The following MCHR2 variants were observed in gnomAD, a reference collection of about 807,000 sequenced individuals.
The protein encoded by MCHR2 is melanin concentrating hormone receptor 2.
A neutral mutation model predicts 24.8 loss-of-function variants in MCHR2; 15 were observed. That is an observed-to-expected ratio of 0.60 (90% CI 0.40 to 0.93). The LOEUF is 0.93. MCHR2 is among the 40% of genes least tolerant of loss of function. MCHR2 has a pLI of 0.00. For synonymous variants in MCHR2, 151 were observed against 147.6 expected (o/e 1.02, Z -0.17); for missense variants, 386 against 408.7 (o/e 0.94, Z 0.48).
intron 1 of MCHR2, among the ~76,000 whole-genome samples, chr6:99,983,683 G>A (rs577242408): frequency 2.0e-5 from 3 of 152,104 alleles, no homozygotes; most frequent in African/African-American, 7.2e-5. Flanking sequence ...TTTCTTCCTC[G>A]AAACACTCTC....
intron 3 of MCHR2, among the ~76,000 whole-genome samples, chr6:99,946,395 A>G (rs941415067): frequency 6.6e-6 from 1 of 152,328 alleles, no homozygotes; most frequent in Admixed American, 6.5e-5. Flanking sequence ...AGAGTGAATT[A>G]TTTATATGAA....
intron 1 of MCHR2, among the ~76,000 whole-genome samples, chr6:99,988,570 T>A (rs1775808130): frequency 6.6e-6 from 1 of 152,052 alleles, no homozygotes; most frequent in Non-Finnish European, 1.5e-5. Flanking sequence ...TCTAAAATAA[T>A]CTCAATTCAT....
At chr6:99,932,049 A>G (rs1466283972) in intron 5 of MCHR2, among the ~76,000 whole-genome samples, 1 of 152,130 alleles carries the variant, frequency 6.6e-6, no homozygotes, top group Non-Finnish European at 1.5e-5. Flanking sequence ...AGACAGGTCT[A>G]GTGTTGATGA....
chr6:99,959,232 C>T (rs572586474), intron 1 of MCHR2, among the ~76,000 whole-genome samples: 73 of 152,050 alleles, frequency 4.8e-4, no homozygotes, highest in African/African-American at 1.7e-3. Flanking sequence ...AAGATAGATA[C>T]CAATGGAAAA....
In MCHR2 at chr6:99,937,043, T is replaced by A. The variant is rs139127993; in HGVS notation, c.588-2526A>T. On this transcript the variant is annotated intron_variant, in intron 4 of 5. Coordinates refer to ENST00000281806, the MANE Select transcript of MCHR2 (RefSeq NM_001040179.2). ...TACTGCATATGTAAATGCTATTGATTTTTATACATTCATTTTGTATCCTGT... is the reference window on the plus strand; with the variant it reads ...TACTGCATATGTAAATGCTATTGATATTTATACATTCATTTTGTATCCTGT... Among the ~76,000 whole-genome samples the A allele has an allele frequency of 7.2e-3, 1,088 of 152,142 alleles. 13 individuals carry two copies. The highest frequency in any genetic ancestry group is 0.025 in the African/African-American group (1,049 of 41,562).
chr6:99,957,217 C>G (rs962248765), intron 1 of MCHR2, among the ~76,000 whole-genome samples: 1 of 152,126 alleles, frequency 6.6e-6, no homozygotes, highest in Non-Finnish European at 1.5e-5. Flanking sequence ...GGGAATCTTA[C>G]AGGAGATACC....
intron 5 of MCHR2, among the ~76,000 whole-genome samples, chr6:99,929,285 G>T (rs936777946): frequency 2.0e-5 from 3 of 151,924 alleles, no homozygotes; most frequent in African/African-American, 7.3e-5. Context: ...GAATAGGTGT[G>T]GTGTGGTGCT....
intron 1 of MCHR2, among the ~76,000 whole-genome samples, chr6:99,959,302 C>G (rs1775133104): frequency 6.6e-6 from 1 of 152,000 alleles, no homozygotes; most frequent in Non-Finnish European, 1.5e-5. Context: ...GGAACCTAGA[C>G]ACACATGTCC....
intron 4 of MCHR2, among the ~76,000 whole-genome samples, chr6:99,940,550 G>T (rs2114517870): frequency 6.6e-6 from 1 of 152,260 alleles, no homozygotes; most frequent in Non-Finnish European, 1.5e-5. Context: ...TGGCCAGAGA[G>T]CTCACATATT....
intron 1 of MCHR2, among the ~76,000 whole-genome samples, chr6:99,968,335 G>C (rs769106862): frequency 1.3e-5 from 2 of 152,140 alleles, no homozygotes; most frequent in Non-Finnish European, 2.9e-5. Context: ...CCAGAGGAAA[G>C]TGGATCACTC....
At position 99,946,051 on chromosome 6, in the gene MCHR2, C is replaced by T. The variant is rs1774867088; in HGVS notation, c.392+1711G>A. ...TTTTTTTTCAAAAAAAGCCAATATTCTCCTGCATCCAAGGCACAGTATATA... is the reference window on the plus strand; with the variant it reads ...TTTTTTTTCAAAAAAAGCCAATATTTTCCTGCATCCAAGGCACAGTATATA... On this transcript the variant is annotated intron_variant, in intron 3 of 5. Coordinates refer to ENST00000281806, the MANE Select transcript of MCHR2 (RefSeq NM_001040179.2). Among the ~76,000 whole-genome samples the T allele has an allele frequency of 2.7e-5, 4 of 149,684 alleles. 1 individual carries two copies. The South Asian group carries it at 8.4e-4, about 31-fold the overall frequency.
intron 5 of MCHR2, among the ~76,000 whole-genome samples, chr6:99,926,155 G>A (rs2114488103): frequency 6.6e-6 from 1 of 152,100 alleles, no homozygotes; most frequent in East Asian, 1.9e-4. Flanking sequence ...CCCTATAAAG[G>A]ACATGAACTC....
chr6:99,979,185 A>G (rs922351210), intron 1 of MCHR2, among the ~76,000 whole-genome samples: 4 of 152,164 alleles, frequency 2.6e-5, no homozygotes, highest in African/African-American at 9.7e-5. Flanking sequence ...TTTCTGACAT[A>G]TGGAAGTCCA....
chr6:99,932,688 T>A (rs1185994618), intron 5 of MCHR2, among the ~76,000 whole-genome samples: 1 of 152,152 alleles, frequency 6.6e-6, no homozygotes, highest in Non-Finnish European at 1.5e-5. Context: ...TTGGGAATGT[T>A]CTACAGGATA....
chr6:99,928,657 T>C (rs1774429308), intron 5 of MCHR2, among the ~76,000 whole-genome samples: 1 of 152,226 alleles, frequency 6.6e-6, no homozygotes, highest in South Asian at 2.1e-4. Flanking sequence ...GATGGTAGTT[T>C]GTATTTCTGT....
Position 99,920,450 on chromosome 6 carries a change from G to T in MCHR2, c.*490C>A, listed in dbSNP as rs1168040935. The T allele has an allele frequency of 6.4e-6, 1 of 155,080 alleles. No individual in the cohort carries two copies. The highest frequency in any genetic ancestry group is 1.4e-5 in the Non-Finnish European group (1 of 69,836). The allele number at this position is 155,080 out of a possible 1,614,324, so 9.6% of individuals were successfully genotyped here. A position where few individuals can be genotyped will look rare whatever the true frequency, so the allele number is the denominator to read the frequency against. ...AAATGGTAACTTATTCTAAAAGGTG[G>T]GGCTTAGTTGTTGAGGGTATTAGTA... On this transcript the variant is annotated 3_prime_UTR_variant, in exon 6 of 6. Coordinates refer to ENST00000281806, the MANE Select transcript of MCHR2 (RefSeq NM_001040179.2).
At chr6:99,978,476 T>C (rs1452844939) in intron 1 of MCHR2, among the ~76,000 whole-genome samples, 1 of 133,856 alleles carries the variant, frequency 7.5e-6, no homozygotes, top group Admixed American at 9.0e-5. Context: ...TAGAGTGCAG[T>C]GGTGCAATCT....
At chr6:99,993,822 G>C (rs1205908667) in intron 1 of MCHR2, 114 bp downstream of exon 1, 1 of 152,076 alleles carries the variant, frequency 6.6e-6, no homozygotes, top group Non-Finnish European at 1.5e-5. Context: ...GCCAGCCCCG[G>C]GGAGGGGCGA....
chr6:99,982,467 G>GAAAAAAGAA (rs1324167679), intron 1 of MCHR2, among the ~76,000 whole-genome samples: 2 of 46,638 alleles, frequency 4.3e-5, no homozygotes, highest in East Asian at 7.3e-4. Context: ...TGTCTGTACA[G>GAAAAAAGAA]AAAAAAAAAA....
Sources: allele counts gnomAD v4.1 joint callset (sites outside exome capture counted in the v4.1 genomes callset), GRCh38; gene constraint gnomAD v4.1.1; transcripts MANE v1.5; gene names NCBI Gene and HGNC (gene_info 2026-07-23, HGNC 2026-07-21).